KCNMA1: variants seen among roughly 807,000 people sequenced by gnomAD.
The protein encoded by KCNMA1 is potassium calcium-activated channel subfamily M alpha 1, also known as Calcium-activated potassium channel subunit alpha-1.
A neutral mutation model predicts 140.0 loss-of-function variants in KCNMA1; 29 were observed. The observed-to-expected ratio is 0.21, with a 90% confidence interval of 0.15 to 0.28. The LOEUF (loss-of-function observed/expected upper bound fraction) is 0.28, where lower values mean the gene tolerates loss of function less well. KCNMA1 is among the 10% of genes least tolerant of loss of function. KCNMA1 has a pLI of 1.00. For missense variants in KCNMA1, 880 were observed against 1,602.2 expected (o/e 0.55, Z 7.70); for synonymous variants, 612 against 611.9 (o/e 1.00, Z 0.00).
intron 2 of KCNMA1, among the ~76,000 whole-genome samples, chr10:77,316,286 A>G (rs1333029469): frequency 6.6e-6 from 1 of 152,132 alleles, no homozygotes; most frequent in Non-Finnish European, 1.5e-5. Flanking sequence ...AGTCTTCCTA[A>G]AGAATCCCAC....
intron 3 of KCNMA1, among the ~76,000 whole-genome samples, chr10:77,203,055 A>G (rs1324334419): frequency 6.6e-6 from 1 of 152,176 alleles, no homozygotes; most frequent in African/African-American, 2.4e-5. Context: ...TTAACCTGAC[A>G]CCGTTATTAC....
intron 23 of KCNMA1, among the ~76,000 whole-genome samples, chr10:76,938,173 A>G (rs2061058849): frequency 6.6e-6 from 1 of 152,142 alleles, no homozygotes; most frequent in Admixed American, 6.5e-5. Context: ...CTCCTAGAGC[A>G]TGAGCAATGG....
At chr10:76,963,930 T>A (rs2072787746) in intron 20 of KCNMA1, among the ~76,000 whole-genome samples, 1 of 152,014 alleles carries the variant, frequency 6.6e-6, no homozygotes, top group African/African-American at 2.4e-5. Context: ...CCTTAGGTGG[T>A]CTCCTCAAAA....
intron 13 of KCNMA1, among the ~76,000 whole-genome samples, chr10:77,075,396 T>C (rs962077017): frequency 6.6e-6 from 1 of 152,226 alleles, no homozygotes; most frequent in Non-Finnish European, 1.5e-5. Context: ...GTTTAAGTAA[T>C]GAACAAGTCA....
At chr10:76,941,755 G>T (rs982188553) in intron 23 of KCNMA1, among the ~76,000 whole-genome samples, 3 of 152,080 alleles carry the variant, frequency 2.0e-5, no homozygotes, top group Non-Finnish European at 2.9e-5. Context: ...TCATTTGTGC[G>T]GTCTTAGTCC....
At chr10:77,134,814 C>A (rs562024212) in intron 5 of KCNMA1, among the ~76,000 whole-genome samples, 1 of 151,394 alleles carries the variant, frequency 6.6e-6, no homozygotes, top group South Asian at 2.1e-4. Context: ...CTGGCTAATA[C>A]GGTGAAACCC....
At chr10:76,952,485 C>T (rs2066658561) in intron 21 of KCNMA1, among the ~76,000 whole-genome samples, 1 of 152,128 alleles carries the variant, frequency 6.6e-6, no homozygotes, top group Non-Finnish European at 1.5e-5. Context: ...GCTCTGCACT[C>T]CAGCCTGGCG....
intron 14 of KCNMA1, among the ~76,000 whole-genome samples, chr10:77,042,323 T>TTTTAA (rs2094767871): frequency 6.6e-6 from 1 of 152,228 alleles, no homozygotes; most frequent in Non-Finnish European, 1.5e-5. Flanking sequence ...ATGCTTGACT[T>TTTTAA]ATAAGCAAAG....
intron 18 of KCNMA1, among the ~76,000 whole-genome samples, chr10:77,005,759 T>G (rs2088299212): frequency 6.6e-6 from 1 of 152,248 alleles, no homozygotes; most frequent in East Asian, 1.9e-4. Context: ...GAAGTGGATA[T>G]TCAACCAACA....
chr10:77,328,166 CA>C lies in KCNMA1; in HGVS notation c.540+75695del, dbSNP rs1245213460. 4.6e-5 allele frequency among the ~76,000 whole-genome samples: 7 copies of C among 152,274 alleles called. No homozygotes were observed. The East Asian group carries it at 1.3e-3, about 29-fold the overall frequency. On this transcript the variant is annotated intron_variant, in intron 2 of 27. Coordinates refer to ENST00000286628, the MANE Select transcript of KCNMA1 (RefSeq NM_001161352.2). ...CCAAGATTTGTTGTTGGGAATTAAA[CA>C]AAACAATACATGCAAAACAGTACTT...
intron 1 of KCNMA1, among the ~76,000 whole-genome samples, chr10:77,490,118 G>A (rs1287190099): frequency 6.6e-6 from 1 of 152,154 alleles, no homozygotes; most frequent in African/African-American, 2.4e-5. Flanking sequence ...TCTCATGGGA[G>A]GCAAAATCAT....
chr10:77,456,233 TC>T (rs1337609519), intron 1 of KCNMA1, among the ~76,000 whole-genome samples: 5 of 152,202 alleles, frequency 3.3e-5, no homozygotes, highest in Admixed American at 2.0e-4. Context: ...CTCTGCTCAT[TC>T]CCACCCCAGG....
intron 19 of KCNMA1, among the ~76,000 whole-genome samples, chr10:76,984,232 T>A (rs2080501750): frequency 2.0e-5 from 3 of 152,036 alleles, no homozygotes; most frequent in Admixed American, 2.0e-4. Context: ...TCTCGCTCTG[T>A]CACCCAGGCT....
chr10:77,431,900 C>T (rs548644679), intron 1 of KCNMA1, among the ~76,000 whole-genome samples: 8 of 151,650 alleles, frequency 5.3e-5, no homozygotes, highest in South Asian at 2.1e-4. Context: ...GGTTGAGGCA[C>T]GGGAATCACT....
chr10:76,915,022 G>T lies in KCNMA1; in HGVS notation c.2930C>A (p.Ser977Tyr). 6.2e-7 allele frequency: 1 copy of T among 1,613,020 alleles called. No individual in the cohort carries two copies. The highest frequency in any genetic ancestry group is 8.5e-7 in the Non-Finnish European group (1 of 1,179,132). ...GTGCACTGGGCTGTTATCTGGAGAG[G>T]ATCTATCCATTCCTGGAGGTGTGAA... ...QGFTPPGMDR[S>Y]SPDNSPVHGM... is the part of the protein sequence containing the mutation. Residue 977 changes from serine (S) to tyrosine (Y), a missense_variant, in exon 24 of 28, where the codon TCC (serine) becomes TAC (tyrosine). Ser to Tyr is a moderately radical substitution (Grantham distance 144, BLOSUM62 -2). This residue lies in a region of KCNMA1 where 44 missense variants were observed against 58.2 expected (regional missense o/e 0.76). Transcript: ENST00000286628.
chr10:77,054,560 T>C (rs2095479550), intron 14 of KCNMA1, among the ~76,000 whole-genome samples: 1 of 152,156 alleles, frequency 6.6e-6, no homozygotes, highest in Admixed American at 6.5e-5. Flanking sequence ...GTGATGACTC[T>C]TATTCATAGA....
intron 14 of KCNMA1, among the ~76,000 whole-genome samples, chr10:77,050,178 T>C (rs1384632238): frequency 6.6e-6 from 1 of 151,792 alleles, no homozygotes; most frequent in Non-Finnish European, 1.5e-5. Context: ...CAAACAACAA[T>C]TCAACAGGAA....
intron 3 of KCNMA1, among the ~76,000 whole-genome samples, chr10:77,202,399 A>G (rs1220207418): frequency 1.3e-5 from 2 of 152,238 alleles, no homozygotes; most frequent in African/African-American, 4.8e-5. Flanking sequence ...ATTAACCCAC[A>G]GTAATCTCTT....
At chr10:77,151,461 T>G (rs2098417549) in intron 5 of KCNMA1, among the ~76,000 whole-genome samples, 1 of 48,766 alleles carries the variant, frequency 2.1e-5, no homozygotes, top group East Asian at 7.9e-4. Flanking sequence ...CTCTTGACCT[T>G]GTGATCTGCC....
Sources: gnomAD v4.1 joint callset for allele counts (sites outside exome capture counted in the v4.1 genomes callset) on GRCh38, gnomAD v4.1.1 for gene constraint, gnomAD v4.1.1 regional missense constraint, MANE v1.5 for transcripts, NCBI Gene and HGNC (gene_info 2026-07-23, HGNC 2026-07-21) for gene names.